The following SYNDIG1 variants were observed in gnomAD, a reference collection of about 807,000 sequenced individuals.
The protein encoded by SYNDIG1 is synapse differentiation-inducing gene protein 1.
Under a neutral mutation model 19.4 loss-of-function variants are expected in SYNDIG1, and 9 were observed. The ratio of observed to expected loss-of-function variants is 0.46; its 90% confidence interval spans 0.28 to 0.81. The LOEUF is 0.81. Among genes scored for constraint, SYNDIG1 ranks in the 30% least tolerant of loss-of-function variants. SYNDIG1 has a pLI of 0.12. For missense variants in SYNDIG1, 311 were observed against 343.3 expected, an observed-to-expected ratio of 0.91 and a Z score of 0.74; for synonymous variants, 141 against 145.9, an observed-to-expected ratio of 0.97 and a Z score of 0.24.
intron 2 of SYNDIG1, among the ~76,000 whole-genome samples, chr20:24,581,359 G>A (rs1157164114): frequency 6.6e-6 from 1 of 152,132 alleles, no homozygotes; most frequent in Non-Finnish European, 1.5e-5. Context: ...CAGACAGGCG[G>A]ATTTTTTGTT....
Position 24,526,138 on chromosome 20 carries a change from CAT to C in SYNDIG1, c.-78-16879_-78-16878del, listed in dbSNP as rs746364225. Among the ~76,000 whole-genome samples, 201 of 152,206 alleles carry C rather than the reference CAT, an allele frequency of 1.3e-3. 1 individual carries two copies. Among genetic ancestry groups the C allele is most frequent in the Non-Finnish European group, 2.4e-3 (165 of 67,994 alleles). On this transcript the variant is annotated intron_variant, in intron 1 of 3. Transcript: ENST00000376862. ...CTTTAGGTCTATCTCTTATAAATAA[CAT>C]ATGTCTGGATATTATTTTAAATCCA...
intron 1 of SYNDIG1, among the ~76,000 whole-genome samples, chr20:24,515,872 C>A (rs1262655101): frequency 1.6e-4 from 24 of 152,158 alleles, no homozygotes. Flanking sequence ...ACAGAGCCCG[C>A]ATTGCCAAGA....
chr20:24,645,612 G>A (rs1240826278), intron 3 of SYNDIG1, among the ~76,000 whole-genome samples: 1 of 152,204 alleles, frequency 6.6e-6, no homozygotes, highest in African/African-American at 2.4e-5. Context: ...GAGCCCTCTG[G>A]GCGAATCCAC....
rs1286029917 is a variant in SYNDIG1 at position 24,531,613 on chromosome 20, A to AGG, written c.-78-11407_-78-11406insGG. 5.1e-5 allele frequency among the ~76,000 whole-genome samples: 7 copies of AGG among 137,488 alleles called. No individual in the cohort carries two copies. In the East Asian group the frequency reaches 1.4e-3, roughly 27 times the overall value. The allele number at this position is 137,488 out of a possible 152,430, so 90.2% of individuals were successfully genotyped here. A position where few individuals can be genotyped will look rare whatever the true frequency, so the allele number is the denominator to read the frequency against. ...TTCCTCAGAGCAAAACCATCTATTA[A>AGG]ACATTAGAGACAATTTTGAAAAAAA... On this transcript the variant is annotated intron_variant, in intron 1 of 3. Coordinates refer to ENST00000376862, the MANE Select transcript of SYNDIG1 (RefSeq NM_024893.3).
intron 3 of SYNDIG1, among the ~76,000 whole-genome samples, chr20:24,589,829 G>C (rs2058477935): frequency 6.6e-6 from 1 of 152,164 alleles, no homozygotes; most frequent in Non-Finnish European, 1.5e-5. Flanking sequence ...GCAAACTAGG[G>C]GAAAAAAGAG....
chr20:24,631,041 A>G (rs574366853), intron 3 of SYNDIG1, among the ~76,000 whole-genome samples: 60 of 152,334 alleles, frequency 3.9e-4, no homozygotes, highest in African/African-American at 1.4e-3. Context: ...ACACCCTTGG[A>G]TTGCCCACAG....
chr20:24,648,115 C>T (rs1299863065), intron 3 of SYNDIG1, among the ~76,000 whole-genome samples: 4 of 152,172 alleles, frequency 2.6e-5, no homozygotes, highest in African/African-American at 9.7e-5. Context: ...GCTCCACCTT[C>T]TAATACCATC....
In SYNDIG1 at chr20:24,550,653, C is replaced by T. The variant is rs1393410277; in HGVS notation, c.480+7076C>T. On this transcript the variant is annotated intron_variant, in intron 2 of 3. Transcript: ENST00000376862. Reference sequence around the variant, plus strand: ...CCTCCCGAGTAGCTGGGACTACAGGCGCCCGCCACCATGCCCGGCTAATTT... The same window carrying T: ...CCTCCCGAGTAGCTGGGACTACAGGTGCCCGCCACCATGCCCGGCTAATTT... 7.2e-5 allele frequency among the ~76,000 whole-genome samples: 11 copies of T among 152,132 alleles called. No homozygotes were observed. In the East Asian group the frequency reaches 1.2e-3, roughly 16 times the overall value.
intron 3 of SYNDIG1, among the ~76,000 whole-genome samples, chr20:24,588,941 C>A: frequency 9.0e-6 from 1 of 111,622 alleles, no homozygotes. Context: ...GGGGAGGCAT[C>A]TGGCTTGTCC....
At chr20:24,523,012 A>T (rs544998099) in intron 1 of SYNDIG1, among the ~76,000 whole-genome samples, 2 of 152,302 alleles carry the variant, frequency 1.3e-5, no homozygotes, top group African/African-American at 4.8e-5. Flanking sequence ...AACACTGGTG[A>T]TCACATTTCA....
chr20:24,634,989 A>G (rs1292324924), intron 3 of SYNDIG1, among the ~76,000 whole-genome samples: 1 of 152,188 alleles, frequency 6.6e-6, no homozygotes, highest in African/African-American at 2.4e-5. Context: ...CGGATCCTGC[A>G]GCTCCCACAC....
chr20:24,495,964 C>A (rs1269995449), intron 1 of SYNDIG1, among the ~76,000 whole-genome samples: 1 of 152,196 alleles, frequency 6.6e-6, no homozygotes, highest in Non-Finnish European at 1.5e-5. Flanking sequence ...CCTGCCTCAG[C>A]CTCCCGAGTA....
chr20:24,630,959 G>A (rs2059233043), intron 3 of SYNDIG1, among the ~76,000 whole-genome samples: 1 of 152,262 alleles, frequency 6.6e-6, no homozygotes, highest in Non-Finnish European at 1.5e-5. Flanking sequence ...ATGATGATTT[G>A]GGTCTGAAAG....
intron 3 of SYNDIG1, among the ~76,000 whole-genome samples, chr20:24,635,855 G>C (rs1275624526): frequency 1.3e-5 from 2 of 152,038 alleles, no homozygotes; most frequent in African/African-American, 2.4e-5. Context: ...CTAGCACCCG[G>C]TCACCATGCC....
chr20:24,556,719 C>A (rs1305307997), intron 2 of SYNDIG1, among the ~76,000 whole-genome samples: 1 of 152,218 alleles, frequency 6.6e-6, no homozygotes, highest in Non-Finnish European at 1.5e-5. Flanking sequence ...CCCGACGTTT[C>A]TCTCTAGCTG....
At chr20:24,577,036 A>G (rs2058240886) in intron 2 of SYNDIG1, among the ~76,000 whole-genome samples, 2 of 152,074 alleles carry the variant, frequency 1.3e-5, no homozygotes, top group African/African-American at 4.8e-5. Flanking sequence ...AAAAACTGCT[A>G]CCTAGGAGGA....
chr20:24,661,318 AG>A (rs2059583472), intron 3 of SYNDIG1, among the ~76,000 whole-genome samples: 5 of 95,784 alleles, frequency 5.2e-5, no homozygotes, highest in South Asian at 3.9e-4. Context: ...AGGAAAGGGG[AG>A]GGAGGGAAGA....
intron 3 of SYNDIG1, among the ~76,000 whole-genome samples, chr20:24,612,687 T>A (rs183254722): frequency 6.6e-6 from 1 of 152,240 alleles, no homozygotes; most frequent in South Asian, 2.1e-4. Context: ...CATAGAATTA[T>A]AATAGCTCTT....
intron 3 of SYNDIG1, among the ~76,000 whole-genome samples, chr20:24,629,118 G>A (rs1231157115): frequency 6.6e-6 from 1 of 152,238 alleles, no homozygotes; most frequent in African/African-American, 2.4e-5. Flanking sequence ...CAGCTGAGAG[G>A]CTACAGATAG....
Sources: allele counts gnomAD v4.1 joint callset (sites outside exome capture counted in the v4.1 genomes callset), GRCh38; gene constraint gnomAD v4.1.1; transcripts MANE v1.5; gene names NCBI Gene and HGNC (gene_info 2026-07-23, HGNC 2026-07-21).